The following ELOVL7 variants were observed in gnomAD, a reference collection of about 807,000 sequenced individuals.
ELOVL7 encodes very long chain fatty acid elongase 7.
Under a neutral mutation model 35.7 loss-of-function variants are expected in ELOVL7, and 27 were observed. The observed-to-expected ratio is 0.76, with a 90% CI of 0.56 to 1.04. The LOEUF (loss-of-function observed/expected upper bound fraction) is 1.04, where lower values mean the gene tolerates loss of function less well. Ranked by LOEUF, ELOVL7 falls within the 50% of genes least tolerant of loss-of-function variation. The pLI is 0.00. For missense variants in ELOVL7, 327 were observed against 340.8 expected (o/e 0.96, Z 0.32); for synonymous variants, 113 against 114.6 (o/e 0.99, Z 0.09).
chr5:60,839,742 G>A (rs540521648), intron 1 of ELOVL7, among the ~76,000 whole-genome samples: 2 of 152,216 alleles, frequency 1.3e-5, no homozygotes, highest in Non-Finnish European at 2.9e-5. Context: ...GCTCACATCT[G>A]TAATCCTAGC....
chr5:60,754,520 G>T lies in ELOVL7; in HGVS notation c.*104C>A. The T allele has an allele frequency of 2.0e-6, 2 of 1,002,812 alleles. No homozygotes were observed. Among genetic ancestry groups the T allele is most frequent in the Non-Finnish European group, 1.5e-6 (1 of 680,056 alleles). The allele number at this position is 1,002,812 out of a possible 1,614,324, so 62.1% of individuals were successfully genotyped here. On this transcript the variant is annotated 3_prime_UTR_variant, in exon 9 of 9. Transcript: ENST00000508821. ...CCAATAACTTACCATAAAAATACAA[G>T]CTCTTAGTTTTGAAAAATATACAAA...
At chr5:60,763,931 T>G (rs1049134659) in intron 7 of ELOVL7, among the ~76,000 whole-genome samples, 4 of 152,118 alleles carry the variant, frequency 2.6e-5, no homozygotes, top group Admixed American at 6.6e-5. Context: ...TATTATTTAT[T>G]TATTTAAAGA....
Position 60,754,569 on chromosome 5 carries a change from CTT to C in ELOVL7, c.*53_*54del, listed in dbSNP as rs1741415675. 4 of 1,495,458 alleles carry C rather than the reference CTT, an allele frequency of 2.7e-6. No individual in the cohort carries two copies. Among genetic ancestry groups the C allele is most frequent in the Non-Finnish European group, 3.7e-6 (4 of 1,075,040 alleles). The allele number at this position is 1,495,458 out of a possible 1,614,324, so 92.6% of individuals were successfully genotyped here. On this transcript the variant is annotated 3_prime_UTR_variant, in exon 9 of 9. Coordinates refer to ENST00000508821, the MANE Select transcript of ELOVL7 (RefSeq NM_024930.3). ...AAATGCACTGCATAGGTAAATATCT[CTT>C]GATTGTCAAGGAAGACAATGTATCA...
intron 1 of ELOVL7, among the ~76,000 whole-genome samples, chr5:60,832,368 G>T (rs1179025302): frequency 1.3e-5 from 2 of 152,004 alleles, no homozygotes; most frequent in Non-Finnish European, 2.9e-5. Flanking sequence ...GGGATTGATA[G>T]ATTTTTTTTT....
intron 2 of ELOVL7, 43 bp from the exon 3 acceptor site, chr5:60,787,474 G>C: frequency 8.9e-7 from 1 of 1,129,362 alleles, no homozygotes; most frequent in South Asian, 1.5e-5. Context: ...ATCTATAAAT[G>C]CAAATAAAGT....
intron 3 of ELOVL7, among the ~76,000 whole-genome samples, chr5:60,782,917 T>A (rs546395037): frequency 6.6e-6 from 1 of 152,352 alleles, no homozygotes; most frequent in East Asian, 1.9e-4. Flanking sequence ...ATTTCAAAAT[T>A]GTAAAAAGTA....
At chr5:60,778,106 T>C (rs1034976732) in intron 3 of ELOVL7, among the ~76,000 whole-genome samples, 1 of 152,222 alleles carries the variant, frequency 6.6e-6, no homozygotes, top group African/African-American at 2.4e-5. Flanking sequence ...CACTGAAATC[T>C]TTTACTGCTT....
At chr5:60,793,350 G>A (rs999040137) in intron 2 of ELOVL7, among the ~76,000 whole-genome samples, 1 of 152,108 alleles carries the variant, frequency 6.6e-6, no homozygotes, top group Admixed American at 6.5e-5. Context: ...GGAGAAAAAT[G>A]GGCTCATGAG....
chr5:60,803,536 T>C (rs919756624), intron 1 of ELOVL7, among the ~76,000 whole-genome samples: 9 of 152,198 alleles, frequency 5.9e-5, no homozygotes, highest in Non-Finnish European at 1.0e-4. Flanking sequence ...TGCAACACCA[T>C]ATAAGACTTG....
chr5:60,828,091 C>A (rs1378086146), intron 1 of ELOVL7, among the ~76,000 whole-genome samples: 1 of 152,150 alleles, frequency 6.6e-6, no homozygotes, highest in Non-Finnish European at 1.5e-5. Flanking sequence ...TCACCAGGAC[C>A]TTTGTCTTTT....
intron 4 of ELOVL7, among the ~76,000 whole-genome samples, chr5:60,769,756 T>C (rs893910850): frequency 6.6e-6 from 1 of 152,102 alleles, no homozygotes. Flanking sequence ...AGGCTAGTAA[T>C]AAGAAAAATT....
intron 6 of ELOVL7, among the ~76,000 whole-genome samples, chr5:60,765,051 G>T (rs1334765452): frequency 2.6e-5 from 4 of 152,098 alleles, no homozygotes; most frequent in African/African-American, 9.7e-5. Flanking sequence ...AGACTAAACA[G>T]AATAGCACAA....
chr5:60,832,907 G>C (rs532028914), intron 1 of ELOVL7, among the ~76,000 whole-genome samples: 1 of 152,264 alleles, frequency 6.6e-6, no homozygotes, highest in South Asian at 2.1e-4. Flanking sequence ...TTTTTTCTTT[G>C]ACACCTTTAC....
chr5:60,791,032 C>T (rs191163432), intron 2 of ELOVL7, among the ~76,000 whole-genome samples: 6 of 152,200 alleles, frequency 3.9e-5, no homozygotes, highest in Admixed American at 3.3e-4. Context: ...GGCTGGAGTG[C>T]ACTTAGAGAG....
chr5:60,792,145 C>T (rs1313198666), intron 2 of ELOVL7, among the ~76,000 whole-genome samples: 1 of 152,094 alleles, frequency 6.6e-6, no homozygotes, highest in Non-Finnish European at 1.5e-5. Context: ...TCAAAGCCAG[C>T]AGGAGATGAA....
At chr5:60,804,374 G>T (rs1744812794) in intron 1 of ELOVL7, among the ~76,000 whole-genome samples, 1 of 152,078 alleles carries the variant, frequency 6.6e-6, no homozygotes, top group South Asian at 2.1e-4. Flanking sequence ...GAATCTTTAG[G>T]GGAAATAAAG....
At chr5:60,824,534 A>G (rs1746063442) in intron 1 of ELOVL7, among the ~76,000 whole-genome samples, 1 of 152,248 alleles carries the variant, frequency 6.6e-6, no homozygotes, top group African/African-American at 2.4e-5. Flanking sequence ...TAACAGTTAG[A>G]TTCAAATGTG....
intron 1 of ELOVL7, among the ~76,000 whole-genome samples, chr5:60,831,013 A>C (rs1022560495): frequency 6.6e-6 from 1 of 152,180 alleles, no homozygotes; most frequent in African/African-American, 2.4e-5. Context: ...AGGAGAAATG[A>C]CTTCTATATT....
chr5:60,758,890 C>A (rs1035793771), intron 7 of ELOVL7, among the ~76,000 whole-genome samples: 1 of 151,962 alleles, frequency 6.6e-6, no homozygotes, highest in Non-Finnish European at 1.5e-5. Context: ...TTCTTTAATT[C>A]TAGAAATAAA....
Sources: allele counts gnomAD v4.1 joint callset (sites outside exome capture counted in the v4.1 genomes callset), GRCh38; gene constraint gnomAD v4.1.1; transcripts MANE v1.5; gene names NCBI Gene and HGNC (gene_info 2026-07-23, HGNC 2026-07-21).